NCAM2: variants seen among roughly 807,000 people sequenced by gnomAD.
The protein encoded by NCAM2 is N-CAM-2.
NCAM2 carries 30 observed loss-of-function variants against 98.1 expected under a neutral mutation model. That is an observed-to-expected ratio of 0.31 (90% confidence interval 0.23 to 0.41). The LOEUF (loss-of-function observed/expected upper bound fraction) is 0.41. Among genes scored for constraint, NCAM2 ranks in the 10% least tolerant of loss-of-function variants. The probability of loss-of-function intolerance (pLI) is 1.00; values close to 1 mark genes in which losing one functional copy is unlikely to be tolerated. For missense variants in NCAM2, 867 were observed against 1,005.8 expected, an observed-to-expected ratio of 0.86 and a Z score of 1.87; for synonymous variants, 368 against 342.4, an observed-to-expected ratio of 1.07 and a Z score of -0.83.
chr21:21,316,353 G>A (rs1248156221), intron 5 of NCAM2, among the ~76,000 whole-genome samples: 2 of 151,792 alleles, frequency 1.3e-5, no homozygotes, highest in Non-Finnish European at 2.9e-5. Flanking sequence ...GTGCCATGTT[G>A]GTGTGCTGCA....
intron 8 of NCAM2, among the ~76,000 whole-genome samples, chr21:21,356,836 C>A (rs1039313998): frequency 2.0e-5 from 3 of 151,864 alleles, no homozygotes; most frequent in Admixed American, 1.3e-4. Flanking sequence ...ACTAAAAATA[C>A]AAAATTAGCA....
intron 9 of NCAM2, among the ~76,000 whole-genome samples, chr21:21,384,977 C>CTCCT (rs1409084045): frequency 1.3e-5 from 2 of 151,852 alleles, no homozygotes; most frequent in Non-Finnish European, 2.9e-5. Flanking sequence ...TTTAGTTACA[C>CTCCT]TCCTTTTAAG....
chr21:21,155,735 G>A (rs919790902), intron 1 of NCAM2, among the ~76,000 whole-genome samples: 25 of 152,010 alleles, frequency 1.6e-4, no homozygotes, highest in African/African-American at 5.5e-4. Context: ...CATAATTTGT[G>A]TAATTGCAGC....
chr21:21,133,591 T>C (rs1276882085), intron 1 of NCAM2, among the ~76,000 whole-genome samples: 2 of 152,182 alleles, frequency 1.3e-5, no homozygotes, highest in Non-Finnish European at 2.9e-5. Context: ...TCATCACATA[T>C]TCAATCCACT....
chr21:21,027,096 G>T (rs2064564933), intron 1 of NCAM2, among the ~76,000 whole-genome samples: 1 of 152,048 alleles, frequency 6.6e-6, no homozygotes, highest in African/African-American at 2.4e-5. Flanking sequence ...GACCTTAAAT[G>T]ATTCACCTGC....
chr21:21,143,413 TC>T (rs773515784), intron 1 of NCAM2, among the ~76,000 whole-genome samples: 1 of 152,178 alleles, frequency 6.6e-6, no homozygotes, highest in Non-Finnish European at 1.5e-5. Flanking sequence ...ACTTGTGGTG[TC>T]CTTTGCCCTG....
At chr21:21,213,582 G>C (rs533427733) in intron 1 of NCAM2, among the ~76,000 whole-genome samples, 1 of 152,082 alleles carries the variant, frequency 6.6e-6, no homozygotes, top group Admixed American at 6.6e-5. Flanking sequence ...TCACATTACA[G>C]CGTTTTTATG....
intron 8 of NCAM2, among the ~76,000 whole-genome samples, chr21:21,343,358 T>TACACACACACACACACACACAC (rs71195322): frequency 6.6e-5 from 8 of 120,794 alleles, no homozygotes; most frequent in African/African-American, 2.4e-4. Flanking sequence ...TCTATACACA[T>TACACACACACACACACACACAC]ACACACACAC....
intron 1 of NCAM2, among the ~76,000 whole-genome samples, chr21:21,135,311 G>A (rs2067026290): frequency 1.3e-5 from 2 of 151,704 alleles, no homozygotes; most frequent in Admixed American, 6.6e-5. Context: ...AAAATGCTGG[G>A]ACTACAAGCA....
chr21:21,371,589 C>G (rs2075915917), intron 8 of NCAM2, among the ~76,000 whole-genome samples: 1 of 151,664 alleles, frequency 6.6e-6, no homozygotes, highest in African/African-American at 2.4e-5. Flanking sequence ...GGGCATCTGC[C>G]TGGAATTCTT....
At chr21:21,488,834 A>G (rs1986609625) in intron 15 of NCAM2, among the ~76,000 whole-genome samples, 1 of 152,004 alleles carries the variant, frequency 6.6e-6, no homozygotes, top group Non-Finnish European at 1.5e-5. Context: ...CACTCACTGA[A>G]TAAAGATAAA....
chr21:21,138,086 A>G (rs1002145110), intron 1 of NCAM2, among the ~76,000 whole-genome samples: 4 of 152,184 alleles, frequency 2.6e-5, no homozygotes, highest in Admixed American at 1.3e-4. Flanking sequence ...CTTTTGTCCT[A>G]TTTCCAAGCT....
intron 8 of NCAM2, among the ~76,000 whole-genome samples, chr21:21,359,841 C>A (rs1202422968): frequency 2.0e-5 from 3 of 151,688 alleles, no homozygotes; most frequent in Admixed American, 6.6e-5. Context: ...ATAGACTTAA[C>A]AAAAACAACA....
intron 1 of NCAM2, among the ~76,000 whole-genome samples, chr21:21,167,097 C>A (rs971534512): frequency 1.3e-5 from 2 of 151,988 alleles, no homozygotes; most frequent in Non-Finnish European, 1.5e-5. Context: ...ATGTAAATGG[C>A]TTTCTAGATT....
At chr21:21,050,302 A>G (rs1413162684) in intron 1 of NCAM2, among the ~76,000 whole-genome samples, 1 of 152,184 alleles carries the variant, frequency 6.6e-6, no homozygotes, top group Non-Finnish European at 1.5e-5. Flanking sequence ...ATGTAGTTCA[A>G]GTATGCCAAA....
chr21:21,144,928 C>T (rs1387136122), intron 1 of NCAM2, among the ~76,000 whole-genome samples: 1 of 151,848 alleles, frequency 6.6e-6, no homozygotes, highest in African/African-American at 2.4e-5. Context: ...CAGGGGTCGC[C>T]GTGTTGTGAA....
chr21:21,074,667 C>T (rs1223425807), intron 1 of NCAM2, among the ~76,000 whole-genome samples: 1 of 152,186 alleles, frequency 6.6e-6, no homozygotes, highest in Non-Finnish European at 1.5e-5. Context: ...TTTGCTTCCG[C>T]AGAATCTAGA....
chr21:21,072,319 G>A (rs1230095183), intron 1 of NCAM2, among the ~76,000 whole-genome samples: 1 of 152,140 alleles, frequency 6.6e-6, no homozygotes. Context: ...TATATTGTAA[G>A]GAAAGAGTGA....
chr21:21,456,131 G>A (rs529285913), intron 12 of NCAM2, among the ~76,000 whole-genome samples: 1 of 152,200 alleles, frequency 6.6e-6, no homozygotes, highest in South Asian at 2.1e-4. Context: ...GAATACAAAT[G>A]ATATAGCAAG....
Sources: allele counts gnomAD v4.1 joint callset (sites outside exome capture counted in the v4.1 genomes callset), GRCh38; gene constraint gnomAD v4.1.1; transcripts MANE v1.5; gene names NCBI Gene and HGNC (gene_info 2026-07-23, HGNC 2026-07-21).